Variants in DNAH11 observed in about 807,000 individuals in gnomAD.
DNAH11 encodes axonemal beta dynein heavy chain 11.
A neutral mutation model predicts 526.0 loss-of-function variants in DNAH11; 442 were observed. The ratio of observed to expected loss-of-function variants is 0.84; its 90% confidence interval spans 0.78 to 0.91. The LOEUF is 0.91. Ranked by LOEUF, DNAH11 falls within the 40% of genes least tolerant of loss-of-function variation. The pLI is 0.00. For missense variants in DNAH11, 6,989 were observed against 5,448.7 expected (o/e 1.28, Z -8.90); for synonymous variants, 2,461 against 1,935.9 (o/e 1.27, Z -7.12).
intron 55 of DNAH11, among the ~76,000 whole-genome samples, chr7:21,772,356 CTT>C (rs572354679): frequency 1.4e-5 from 2 of 139,980 alleles, no homozygotes; most frequent in African/African-American, 5.3e-5. Flanking sequence ...TTCTTTCTTT[CTT>C]TTTTTTTTTC....
At chr7:21,702,655 G>T in intron 36 of DNAH11, 55 bp from the exon 37 acceptor site, 1 of 1,485,212 alleles carries the variant, frequency 6.7e-7, no homozygotes, top group South Asian at 1.2e-5. Flanking sequence ...CCTCTGGAAT[G>T]AGAATCTTCT....
chr7:21,857,127 C>T (rs1782882487), intron 68 of DNAH11, among the ~76,000 whole-genome samples: 1 of 152,066 alleles, frequency 6.6e-6, no homozygotes, highest in Admixed American at 6.6e-5. Flanking sequence ...AGCAAGGTTG[C>T]AGGATATAAG....
chr7:21,543,348 C>A lies in DNAH11; in HGVS notation c.103C>A (p.Leu35Ile), dbSNP rs1782658102. The change falls in exon 1 of 82, where the codon CTC (leucine) becomes ATC (isoleucine). Residue 35 changes from leucine (L) to isoleucine (I), a missense_variant. Leu to Ile is a conservative substitution (Grantham distance 5). Coordinates refer to ENST00000409508, the MANE Select transcript of DNAH11 (RefSeq NM_001277115.2). ...CCTGGAGGCAGTGGGCGCTGTGGAG[C>A]TCGAGGAGGAGGAGGAGAACGAGGA... The part of the protein sequence containing the change: ...AGLEAVGAVE[L>I]EEEEENEEEA... 6.5e-7 allele frequency: 1 copy of A among 1,550,286 alleles called. No homozygotes were observed. Among genetic ancestry groups the A allele is most frequent in the East Asian group, 2.4e-5 (1 of 40,882 alleles).
At chr7:21,876,009 G>A (rs1172482989) in intron 74 of DNAH11, among the ~76,000 whole-genome samples, 5 of 145,468 alleles carry the variant, frequency 3.4e-5, no homozygotes, top group African/African-American at 5.2e-5. Context: ...TCAGCCTCCC[G>A]AGTAGCTGGG....
intron 32 of DNAH11, among the ~76,000 whole-genome samples, chr7:21,686,298 G>A (rs1783372385): frequency 6.6e-6 from 1 of 152,090 alleles, no homozygotes; most frequent in Admixed American, 6.6e-5. Flanking sequence ...TTGGCAAAGG[G>A]GACATTAGTC....
At chr7:21,803,867 CATT>C (rs1789119243) in intron 62 of DNAH11, among the ~76,000 whole-genome samples, 1 of 149,438 alleles carries the variant, frequency 6.7e-6, no homozygotes, top group African/African-American at 2.5e-5. Context: ...GGGCTATCAT[CATT>C]GAAGTCTGGA....
At position 21,818,235 on chromosome 7, in the gene DNAH11, A is replaced by C; in HGVS notation, c.10587A>C (p.Glu3529Asp). The C allele has an allele frequency of 6.2e-7, 1 of 1,611,812 alleles. No homozygotes were observed. Among genetic ancestry groups the C allele is most frequent in the Non-Finnish European group, 8.5e-7 (1 of 1,178,940 alleles). ...TTTTAAGGTTTTTGAATGCCATTGAAACTGCTTTGGCCTTTGGTGATGTCA... is the reference window on the plus strand; with the variant it reads ...TTTTAAGGTTTTTGAATGCCATTGACACTGCTTTGGCCTTTGGTGATGTCA... ...LGQKGFLNAI[E>D]TALAFGDVIL... Residue 3529 changes from glutamate to aspartate, a missense_variant, in exon 65 of 82, where the codon GAA (glutamate) becomes GAC (aspartate). Physicochemically the swap from Glu to Asp is conservative, Grantham distance 45 (BLOSUM62 2). Coordinates refer to ENST00000409508, the MANE Select transcript of DNAH11 (RefSeq NM_001277115.2).
intron 35 of DNAH11, among the ~76,000 whole-genome samples, chr7:21,691,629 T>C (rs946996715): frequency 1.3e-5 from 2 of 152,248 alleles, no homozygotes; most frequent in Non-Finnish European, 2.9e-5. Flanking sequence ...TCTAGCCTCC[T>C]TTTATAATTT....
At chr7:21,772,188 G>A (rs1330189665) in intron 55 of DNAH11, among the ~76,000 whole-genome samples, 1 of 152,156 alleles carries the variant, frequency 6.6e-6, no homozygotes, top group African/African-American at 2.4e-5. Context: ...GCCCCATTGA[G>A]ACAAGTTGTC....
intron 34 of DNAH11, among the ~76,000 whole-genome samples, chr7:21,689,479 C>T (rs1783520223): frequency 6.6e-6 from 1 of 152,174 alleles, no homozygotes; most frequent in African/African-American, 2.4e-5. Flanking sequence ...GGGACCATGC[C>T]TCAATTACAA....
intron 57 of DNAH11, among the ~76,000 whole-genome samples, chr7:21,780,252 T>C (rs1239990894): frequency 6.6e-6 from 1 of 152,166 alleles, no homozygotes; most frequent in Non-Finnish European, 1.5e-5. Context: ...GAGAATGTCC[T>C]TAAAAGTATA....
chr7:21,671,214 GT>G (rs1183125434), intron 30 of DNAH11, among the ~76,000 whole-genome samples: 1 of 152,142 alleles, frequency 6.6e-6, no homozygotes, highest in African/African-American at 2.4e-5. Context: ...TTGGAAGTTT[GT>G]ATTTTTCAAG....
chr7:21,839,750 T>C (rs930383251), intron 65 of DNAH11, among the ~76,000 whole-genome samples: 15 of 152,254 alleles, frequency 9.9e-5, no homozygotes, highest in Non-Finnish European at 1.6e-4. Context: ...ATTCAACTAA[T>C]AGGGTTTTCA....
At chr7:21,672,994 A>C (rs375075320) in intron 30 of DNAH11, among the ~76,000 whole-genome samples, 2 of 152,170 alleles carry the variant, frequency 1.3e-5, no homozygotes, top group Non-Finnish European at 2.9e-5. Context: ...TGTGTATCCT[A>C]TACACCCCAA....
At chr7:21,858,661 G>C (rs960519967) in intron 68 of DNAH11, among the ~76,000 whole-genome samples, 1 of 152,152 alleles carries the variant, frequency 6.6e-6, no homozygotes, top group African/African-American at 2.4e-5. Context: ...TTATAGAAAA[G>C]GCAAAATTAT....
chr7:21,597,877 G>C (rs1784923981), intron 14 of DNAH11, among the ~76,000 whole-genome samples: 1 of 152,208 alleles, frequency 6.6e-6, no homozygotes, highest in Non-Finnish European at 1.5e-5. Flanking sequence ...AAAGGGGCCA[G>C]GGCAGCTGTG....
chr7:21,634,470 A>C (rs1273969128), intron 25 of DNAH11, among the ~76,000 whole-genome samples: 1 of 152,222 alleles, frequency 6.6e-6, no homozygotes, highest in Non-Finnish European at 1.5e-5. Flanking sequence ...AGAGTCAAGT[A>C]TGTTAAATAC....
At chr7:21,753,489 T>C (rs2128493897) in intron 54 of DNAH11, among the ~76,000 whole-genome samples, 1 of 152,340 alleles carries the variant, frequency 6.6e-6, no homozygotes, top group Non-Finnish European at 1.5e-5. Flanking sequence ...CTTTTCTACC[T>C]CTGAAATACA....
At chr7:21,574,071 A>G (rs913242368) in intron 8 of DNAH11, among the ~76,000 whole-genome samples, 4 of 152,166 alleles carry the variant, frequency 2.6e-5, no homozygotes, top group Non-Finnish European at 5.9e-5. Context: ...TGGGTTTCTC[A>G]ATTATTGAAT....
Sources: allele counts gnomAD v4.1 joint callset (sites outside exome capture counted in the v4.1 genomes callset), GRCh38; gene constraint gnomAD v4.1.1; transcripts MANE v1.5; gene names NCBI Gene and HGNC (gene_info 2026-07-23, HGNC 2026-07-21).